UBE2O: variants seen among roughly 807,000 people sequenced by gnomAD.
UBE2O encodes the protein ubiquitin conjugating enzyme E2 O.
UBE2O carries 15 observed loss-of-function variants against 125.8 expected under a neutral mutation model. The observed-to-expected ratio is 0.12, with a 90% CI of 0.08 to 0.18. UBE2O has a LOEUF of 0.18. Among genes scored for constraint, UBE2O ranks in the 10% least tolerant of loss-of-function variants. The pLI is 1.00. For missense variants in UBE2O, 1,280 were observed against 1,723.6 expected, an observed-to-expected ratio of 0.74 and a Z score of 4.56; for synonymous variants, 708 against 703.2, an observed-to-expected ratio of 1.01 and a Z score of -0.11.
intron 1 of UBE2O, among the ~76,000 whole-genome samples, chr17:76,436,967 T>C (rs1480641037): frequency 6.6e-6 from 1 of 151,940 alleles, no homozygotes; most frequent in Non-Finnish European, 1.5e-5. Flanking sequence ...CCATTTCTAC[T>C]AAAAATGCAA....
At position 76,392,127 on chromosome 17, in the gene UBE2O, G is replaced by T; in HGVS notation, c.2947-14C>A. 11 of 1,121,418 alleles carry T rather than the reference G, an allele frequency of 9.8e-6. No homozygotes were observed. The highest frequency in any genetic ancestry group is 1.6e-5 in the South Asian group (1 of 62,768). The allele number at this position is 1,121,418 out of a possible 1,614,324, so 69.5% of individuals were successfully genotyped here. A position where few individuals can be genotyped will look rare whatever the true frequency, so the allele number is the denominator to read the frequency against. The stretch of plus-strand genomic sequence containing the variant: ...TGAGAAGAGGTCCTAGGTAGGGAGG[G>T]AGGGAGGGAGGCCAAGGTTGGCAGG... On this transcript the variant is annotated splice_polypyrimidine_tract_variant and intron_variant, in intron 15 of 17. Transcript: ENST00000319380.
intron 15 of UBE2O, among the ~76,000 whole-genome samples, chr17:76,394,962 G>C (rs1464539844): frequency 6.7e-6 from 1 of 149,936 alleles, no homozygotes; most frequent in African/African-American, 2.5e-5. Flanking sequence ...TACAACCTCT[G>C]CCTCCCAGGT....
intron 1 of UBE2O, among the ~76,000 whole-genome samples, chr17:76,427,206 C>T (rs74721266): frequency 0.024 from 3,653 of 152,244 alleles, 69 homozygotes; most frequent in Non-Finnish European, 0.037. Context: ...TTTATCTCTG[C>T]AGAATTCTAA....
At chr17:76,403,275 A>G (rs2072360257) in intron 3 of UBE2O, among the ~76,000 whole-genome samples, 1 of 151,878 alleles carries the variant, frequency 6.6e-6, no homozygotes, top group South Asian at 2.1e-4. Context: ...TTACTTTATT[A>G]TTATTTTTTT....
Position 76,395,715 on chromosome 17 carries a change from G to C in UBE2O, c.2946+10C>G. 1 of 1,612,776 alleles carries C rather than the reference G, an allele frequency of 6.2e-7. No individual in the cohort carries two copies. Among genetic ancestry groups the C allele is most frequent in the Non-Finnish European group, 8.5e-7 (1 of 1,179,498 alleles). ...GCACATCTGCACCTGCCCATGCCAA[G>C]CCTACTTGCCATTCTATCTTCAAAA... On this transcript the variant is annotated intron_variant, in intron 15 of 17. Transcript: ENST00000319380. This position sits in a 1 kb window ranked among gnomAD's most constrained non-coding sequence, Gnocchi z 5.0.
intron 1 of UBE2O, among the ~76,000 whole-genome samples, chr17:76,446,252 GGACC>G (rs1381716261): frequency 1.3e-5 from 2 of 152,282 alleles, no homozygotes; most frequent in Non-Finnish European, 2.9e-5. Flanking sequence ...AACTCTGAGG[GGACC>G]GACCACCAGC....
chr17:76,430,789 G>A (rs989609435), intron 1 of UBE2O: 41 of 266,056 alleles, frequency 1.5e-4, no homozygotes, highest in African/African-American at 8.7e-4. Flanking sequence ...TCTGACAAAG[G>A]CAAAGAAGCT....
chr17:76,419,741 C>T (rs1328129873), intron 1 of UBE2O, among the ~76,000 whole-genome samples: 1 of 152,230 alleles, frequency 6.6e-6, no homozygotes, highest in Non-Finnish European at 1.5e-5. Context: ...ACCTGGTGGA[C>T]ATGGTTTCGC....
intron 1 of UBE2O, chr17:76,430,869 G>A: frequency 2.5e-6 from 1 of 401,278 alleles, no homozygotes; most frequent in Non-Finnish European, 4.9e-6. Context: ...GCCAATTCGG[G>A]TTCTGCAGGC....
intron 1 of UBE2O, among the ~76,000 whole-genome samples, chr17:76,441,985 C>A (rs185436886): frequency 6.6e-6 from 1 of 152,206 alleles, no homozygotes; most frequent in South Asian, 2.1e-4. Context: ...TAGAGAGCCT[C>A]GTTCGTACTT....
chr17:76,425,936 T>C (rs180721767), intron 1 of UBE2O, among the ~76,000 whole-genome samples: 6 of 152,316 alleles, frequency 3.9e-5, no homozygotes, highest in East Asian at 1.9e-4. Flanking sequence ...GAAAAGTCCC[T>C]GGTTTTGGTG....
Position 76,399,010 on chromosome 17 carries a change from C to T in UBE2O, c.1629-19G>A. 6.2e-7 allele frequency: 1 copy of T among 1,612,054 alleles called. No individual in the cohort carries two copies. Among genetic ancestry groups the T allele is most frequent in the Non-Finnish European group, 8.5e-7 (1 of 1,179,196 alleles). On this transcript the variant is annotated intron_variant, in intron 9 of 17. Coordinates refer to ENST00000319380, the MANE Select transcript of UBE2O (RefSeq NM_022066.4). The surrounding 1 kb of genome is among the most constrained non-coding windows in gnomAD (Gnocchi z 6.9). Reference sequence around the variant, plus strand: ...TGCCACCCTGCGGGTGCAGGCCAGTCAGCAGGCCATGCAAACCCCACCCCC... The same window carrying T: ...TGCCACCCTGCGGGTGCAGGCCAGTTAGCAGGCCATGCAAACCCCACCCCC...
chr17:76,442,048 C>G (rs531575120), intron 1 of UBE2O, among the ~76,000 whole-genome samples: 4 of 152,256 alleles, frequency 2.6e-5, no homozygotes, highest in African/African-American at 9.6e-5. Flanking sequence ...AGGAAACCCA[C>G]GTGTGTGGAA....
In UBE2O at chr17:76,452,137, G is replaced by A. The variant is rs951570594; in HGVS notation, c.417+588C>T. Among the ~76,000 whole-genome samples, 2 of 152,136 alleles carry A rather than the reference G, an allele frequency of 1.3e-5. No individual in the cohort carries two copies. Among genetic ancestry groups the A allele is most frequent in the Admixed American group, 6.6e-5 (1 of 15,258 alleles). On this transcript the variant is annotated intron_variant, in intron 1 of 17. Coordinates refer to ENST00000319380, the MANE Select transcript of UBE2O (RefSeq NM_022066.4). The surrounding 1 kb of genome is among the most constrained non-coding windows in gnomAD (Gnocchi z 4.4). ...TCATACCGGGGCTCTGATTGCTAATGATTTTACTCACAAAGTTCCCTGCAG... is the reference window on the plus strand; with the variant it reads ...TCATACCGGGGCTCTGATTGCTAATAATTTTACTCACAAAGTTCCCTGCAG...
At chr17:76,429,841 T>C (rs1383820925) in intron 1 of UBE2O, among the ~76,000 whole-genome samples, 3 of 152,172 alleles carry the variant, frequency 2.0e-5, no homozygotes, top group African/African-American at 7.2e-5. Flanking sequence ...GAATCCCTCT[T>C]TCAGTCCAGC....
chr17:76,395,198 T>C lies in UBE2O; in HGVS notation c.2946+527A>G, dbSNP rs1160812123. On this transcript the variant is annotated intron_variant, in intron 15 of 17. Transcript: ENST00000319380. This position sits in a 1 kb window ranked among gnomAD's most constrained non-coding sequence, Gnocchi z 5.0. The stretch of plus-strand genomic sequence containing the variant: ...GCCTATTTCAAAGTAATTTTTTTTT[T>C]TGAGACAGAATCTCGCTCTGTCACC... Among the ~76,000 whole-genome samples, 1 of 151,286 alleles carries C rather than the reference T, an allele frequency of 6.6e-6. No homozygotes were observed. Among genetic ancestry groups the C allele is most frequent in the East Asian group, 2.0e-4 (1 of 5,090 alleles).
chr17:76,434,938 G>A (rs1305425757), intron 1 of UBE2O, among the ~76,000 whole-genome samples: 1 of 152,066 alleles, frequency 6.6e-6, no homozygotes, highest in Admixed American at 6.5e-5. Flanking sequence ...GCTCGGGCGC[G>A]CCCATCCAGG....
At chr17:76,422,500 C>T (rs1243073220) in intron 1 of UBE2O, among the ~76,000 whole-genome samples, 1 of 152,214 alleles carries the variant, frequency 6.6e-6, no homozygotes, top group African/African-American at 2.4e-5. Context: ...ACTGGGTGGG[C>T]AGACGCTGTG....
At chr17:76,439,168 C>G (rs1460974799) in intron 1 of UBE2O, among the ~76,000 whole-genome samples, 1 of 152,242 alleles carries the variant, frequency 6.6e-6, no homozygotes, top group African/African-American at 2.4e-5. Context: ...AGCCTTTCTG[C>G]TCACTGCCTT....
Sources: allele counts gnomAD v4.1 joint callset (sites outside exome capture counted in the v4.1 genomes callset), GRCh38; gene constraint gnomAD v4.1.1; non-coding constraint Gnocchi (gnomAD v3.1); transcripts MANE v1.5; gene names NCBI Gene and HGNC (gene_info 2026-07-23, HGNC 2026-07-21).